Variants in DOCK6 observed in about 807,000 individuals in gnomAD.
DOCK6 encodes the protein dedicator of cytokinesis protein 6.
DOCK6 carries 167 observed loss-of-function variants against 230.3 expected under a neutral mutation model. The ratio of observed to expected loss-of-function variants is 0.73; its 90% CI spans 0.64 to 0.82. The LOEUF is 0.82. DOCK6 is among the 40% of genes least tolerant of loss of function. DOCK6 has a pLI of 0.00. For missense variants in DOCK6, 2,598 were observed against 2,825.8 expected (o/e 0.92, Z 1.83); for synonymous variants, 1,148 against 1,185.0 (o/e 0.97, Z 0.64).
Position 11,222,106 on chromosome 19 carries a change from C to T in DOCK6, c.3380+3G>A, listed in dbSNP as rs762918769. On this transcript the variant is annotated splice_donor_region_variant and intron_variant, in intron 27 of 47. Transcript: ENST00000294618. This position sits in a 1 kb window ranked among gnomAD's most constrained non-coding sequence, Gnocchi z 4.0. ...CCTGGGGCTAGACAGGAGCTCTGCTCACCCTTCAGCCTCAGGTTCGAGGGC... is the reference window on the plus strand; with the variant it reads ...CCTGGGGCTAGACAGGAGCTCTGCTTACCCTTCAGCCTCAGGTTCGAGGGC... 4.3e-6 allele frequency: 7 copies of T among 1,612,508 alleles called. No individual in the cohort carries two copies. The South Asian group carries it at 5.5e-5, about 13-fold the overall frequency.
At chr19:11,233,536 T>C (rs145961644) in intron 21 of DOCK6, among the ~76,000 whole-genome samples, 170 bp from the exon 22 acceptor site, 1 of 152,218 alleles carries the variant, frequency 6.6e-6, no homozygotes, top group African/African-American at 2.4e-5. Context: ...GGGGGGGCAC[T>C]GAAAAACTGA....
At chr19:11,203,263 T>C (rs910178621) in intron 41 of DOCK6, 4 of 172,256 alleles carry the variant, frequency 2.3e-5, no homozygotes, top group East Asian at 3.0e-4. Context: ...GGAAGTAGAA[T>C]GGCTGGATGT....
At position 11,201,218 on chromosome 19, in the gene DOCK6, C is replaced by T. The variant is rs1449160215; in HGVS notation, c.5689-166G>A. The stretch of plus-strand genomic sequence containing the variant: ...GGGTCTGACTCTGGGGGGGTCCAGC[C>T]TTGGGTCTGCTGGGTCTGGTGCCCT... On this transcript the variant is annotated intron_variant, in intron 44 of 47. Transcript: ENST00000294618. This position sits in a 1 kb window ranked among gnomAD's most constrained non-coding sequence, Gnocchi z 4.3. Among the ~76,000 whole-genome samples, 1 of 151,854 alleles carries T rather than the reference C, an allele frequency of 6.6e-6. No individual in the cohort carries two copies. Among genetic ancestry groups the T allele is most frequent in the Non-Finnish European group, 1.5e-5 (1 of 67,912 alleles).
intron 7 of DOCK6, 85 bp downstream of exon 7, chr19:11,247,980 TG>T: frequency 8.6e-7 from 1 of 1,163,672 alleles, no homozygotes. Context: ...CACACGGTAA[TG>T]GCACTACTCA....
rs1184100777 is a variant in DOCK6 at position 11,236,432 on chromosome 19, G to C, written c.2306C>G (p.Pro769Arg). 6.3e-7 allele frequency: 1 copy of C among 1,589,330 alleles called. No homozygotes were observed. Among genetic ancestry groups the C allele is most frequent in the South Asian group, 1.1e-5 (1 of 86,984 alleles). Residue 769 changes from proline (P) to arginine (R), a missense_variant, in exon 20 of 48, where the codon CCC (proline) becomes CGC (arginine). By Grantham distance (103) the Pro-to-Arg change is moderately radical. Transcript: ENST00000294618. This position sits in a 1 kb window ranked among gnomAD's most constrained non-coding sequence, Gnocchi z 5.2. The stretch of plus-strand genomic sequence containing the variant: ...GTGGGAGAAGGCCACAAGGGGTTCG[G>C]GGCTGGCCAGGCGCAGTGCTGCAAG... ...ASLAALRLAS[P>R]EPLVAFSHHV... is the part of the protein sequence containing the mutation.
At chr19:11,229,631 G>A (rs575437119) in intron 22 of DOCK6, among the ~76,000 whole-genome samples, 2 of 152,222 alleles carry the variant, frequency 1.3e-5, no homozygotes, top group Admixed American at 6.5e-5. Flanking sequence ...TGGCCAGGGT[G>A]CTGTGGGAGT....
intron 6 of DOCK6, among the ~76,000 whole-genome samples, chr19:11,248,369 C>T (rs2080068539): frequency 1.3e-5 from 2 of 152,116 alleles, no homozygotes; most frequent in African/African-American, 4.8e-5. Flanking sequence ...TTCATATATA[C>T]TTCTACTATA....
chr19:11,249,532 T>C (rs2080084895), intron 6 of DOCK6, among the ~76,000 whole-genome samples: 1 of 150,984 alleles, frequency 6.6e-6, no homozygotes. Context: ...TTATTTTATA[T>C]ATTTTTTTAC....
At chr19:11,203,797 G>A (rs927457307) in intron 41 of DOCK6, 33 of 547,758 alleles carry the variant, frequency 6.0e-5, no homozygotes, top group African/African-American at 1.2e-4. Flanking sequence ...GAGTCACCCC[G>A]CCACCCCCCT....
intron 21 of DOCK6, among the ~76,000 whole-genome samples, chr19:11,234,272 A>G (rs1461272999): frequency 6.6e-6 from 1 of 151,750 alleles, no homozygotes; most frequent in Non-Finnish European, 1.5e-5. Flanking sequence ...TGCTGGGATT[A>G]CAGGCGTGAG....
At chr19:11,247,256 T>C (rs1365080004) in intron 7 of DOCK6, 2 of 139,034 alleles carry the variant, frequency 1.4e-5, no homozygotes, top group Non-Finnish European at 3.1e-5. Flanking sequence ...GTCTGGCTAA[T>C]TTTTTTTTTT....
rs371288015 is a variant in DOCK6, at chr19:11,202,662, G to C, written c.5283C>G (p.Phe1761Leu). The C allele has an allele frequency of 6.2e-7, 1 of 1,614,010 alleles. No homozygotes were observed. Among genetic ancestry groups the C allele is most frequent in the Admixed American group, 1.7e-5 (1 of 60,028 alleles). The change falls in exon 42 of 48, where the codon TTC (phenylalanine) becomes TTG (leucine). Residue 1761 changes from phenylalanine to leucine, a missense_variant. By Grantham distance (22) the Phe-to-Leu change is conservative (BLOSUM62 0). Coordinates refer to ENST00000294618, the MANE Select transcript of DOCK6 (RefSeq NM_020812.4). The surrounding 1 kb of genome is among the most constrained non-coding windows in gnomAD (Gnocchi z 5.3). ...CAAACTCCTGCTCATCCAGGTCACC[G>C]AAGTGGGCGCCGTAGAAGCCCACGC... ...YFRVGFYGAHFGDLDEQEFVY... is the reference protein window; with the variant it reads ...YFRVGFYGAHLGDLDEQEFVY...
At chr19:11,213,382 G>A (rs2079427378) in intron 34 of DOCK6, 54 bp from the exon 35 acceptor site, 6 of 1,572,492 alleles carry the variant, frequency 3.8e-6, no homozygotes, top group Non-Finnish European at 5.2e-6. Context: ...TTCTGGCTCA[G>A]AAGGGGACTG....
chr19:11,247,945 G>A lies in DOCK6; in HGVS notation c.806+121C>T, dbSNP rs990900600. Reference sequence around the variant, plus strand: ...CTTCCCCCATAAAAGCCCATACATAGGTGGCCACATAGGTGACAGGGCCGC... The same window carrying A: ...CTTCCCCCATAAAAGCCCATACATAAGTGGCCACATAGGTGACAGGGCCGC... On this transcript the variant is annotated intron_variant, in intron 7 of 47. Coordinates refer to ENST00000294618, the MANE Select transcript of DOCK6 (RefSeq NM_020812.4). The A allele has an allele frequency of 1.0e-5, 8 of 801,510 alleles. No individual in the cohort carries two copies. The African/African-American group carries it at 1.4e-4, about 14-fold the overall frequency. The allele number at this position is 801,510 out of a possible 1,614,324, so 49.6% of individuals were successfully genotyped here.
chr19:11,235,783 G>C (rs930400342), intron 20 of DOCK6, 24 bp from the exon 21 acceptor site: 1 of 1,567,476 alleles, frequency 6.4e-7, no homozygotes, highest in Admixed American at 1.8e-5. Context: ...CAGAGGTCAA[G>C]TTCCAGGGCC....
rs754453063 is a variant in DOCK6 at position 11,209,114 on chromosome 19, G to C, written c.4752-11C>G. 1 of 1,609,032 alleles carries C rather than the reference G, an allele frequency of 6.2e-7. No individual in the cohort carries two copies. Among genetic ancestry groups the C allele is most frequent in the Non-Finnish European group, 8.5e-7 (1 of 1,178,290 alleles). On this transcript the variant is annotated splice_polypyrimidine_tract_variant and intron_variant, in intron 37 of 47. Transcript: ENST00000294618. Reference sequence around the variant, plus strand: ...TAGCCCCGGGCAATTCTGGAGTCCAGGTGAGGGGGGATGTGAGGAGGGGAC... The same window carrying C: ...TAGCCCCGGGCAATTCTGGAGTCCACGTGAGGGGGGATGTGAGGAGGGGAC...
intron 1 of DOCK6, among the ~76,000 whole-genome samples, chr19:11,260,920 AAAAGG>A (rs1204892314): frequency 6.6e-6 from 1 of 151,014 alleles, no homozygotes; most frequent in Non-Finnish European, 1.5e-5. Context: ...AAAGAAAAAG[AAAAGG>A]AAAGAAAAAG....
Position 11,243,562 on chromosome 19 carries a change from T to G in DOCK6, c.1253A>C (p.Glu418Ala). 6.3e-7 allele frequency: 1 copy of G among 1,599,212 alleles called. No homozygotes were observed. The highest frequency in any genetic ancestry group is 8.5e-7 in the Non-Finnish European group (1 of 1,174,086). The change falls in exon 11 of 48, where the codon GAG becomes GCG. Residue 418 changes from glutamate (E) to alanine (A), a missense_variant. Transcript: ENST00000294618. The surrounding 1 kb of genome is among the most constrained non-coding windows in gnomAD (Gnocchi z 6.3). Reference sequence around the variant, plus strand: ...TGTTAGCCCCGCCTCCTCACCGCCCTCCGAGTCAGAGTCCCGGTCCAGCTG... The same window carrying G: ...TGTTAGCCCCGCCTCCTCACCGCCCGCCGAGTCAGAGTCCCGGTCCAGCTG... Reference protein sequence around the residue: ...AGQLDRDSDSEGERRPAWTDR... With the variant: ...AGQLDRDSDSAGERRPAWTDR...
chr19:11,241,911 C>T (rs1239828763), intron 14 of DOCK6, 134 bp downstream of exon 14: 11 of 1,305,634 alleles, frequency 8.4e-6, no homozygotes, highest in Non-Finnish European at 1.2e-5. Flanking sequence ...CATGCCTACA[C>T]ACCCCTCATT....
Sources: gnomAD v4.1 joint callset for allele counts (sites outside exome capture counted in the v4.1 genomes callset) on GRCh38, gnomAD v4.1.1 for gene constraint, Gnocchi (gnomAD v3.1) non-coding constraint, MANE v1.5 for transcripts, NCBI Gene and HGNC (gene_info 2026-07-23, HGNC 2026-07-21) for gene names.